Variants in CTDP1 observed in about 807,000 individuals in gnomAD.
CTDP1 encodes the protein CTD phosphatase 1.
Under a neutral mutation model 91.8 loss-of-function variants are expected in CTDP1, and 47 were observed. That is an observed-to-expected ratio of 0.51 (90% CI 0.41 to 0.65). The LOEUF is 0.65. Among genes scored for constraint, CTDP1 ranks in the 30% least tolerant of loss-of-function variants. The probability of loss-of-function intolerance (pLI) is 0.00; values close to 1 mark genes in which losing one functional copy is unlikely to be tolerated. For synonymous variants in CTDP1, 656 were observed against 598.5 expected (o/e 1.10, Z -1.40); for missense variants, 1,272 against 1,373.7 (o/e 0.93, Z 1.17).
chr18:79,679,537 C>T (rs1827846247), upstream of CTDP1: 1 of 459,812 alleles, frequency 2.2e-6, no homozygotes, highest in Non-Finnish European at 4.4e-6. Flanking sequence ...CATGCTCTGT[C>T]CGCGGTGCAC....
chr18:79,684,966 C>CCG (rs1568170965), intron 1 of CTDP1, among the ~76,000 whole-genome samples: 1 of 144,702 alleles, frequency 6.9e-6, no homozygotes, highest in Non-Finnish European at 1.6e-5. Context: ...CCCGGTTTCT[C>CCG]TGCGGTGCTC....
At chr18:79,695,367 G>T in intron 2 of CTDP1, 59 bp downstream of exon 2, 1 of 1,499,160 alleles carries the variant, frequency 6.7e-7, no homozygotes, top group Non-Finnish European at 9.3e-7. Context: ...TGGCCTCCGG[G>T]GAGTCCGAGA....
In CTDP1 at chr18:79,710,423, A is replaced by G; in HGVS notation, c.850A>G (p.Thr284Ala). 1 of 1,613,742 alleles carries G rather than the reference A, an allele frequency of 6.2e-7. No homozygotes were observed. Among genetic ancestry groups the G allele is most frequent in the Non-Finnish European group, 8.5e-7 (1 of 1,179,668 alleles). ...RDECIDPFSKTGNLRNLFPCG... is the reference protein window; with the variant it reads ...RDECIDPFSKAGNLRNLFPCG... Reference sequence around the variant, plus strand: ...TGAATGTATTGACCCATTTTCTAAAACGGGAAACCTTAGGTATGTACCCAG... The same window carrying G: ...TGAATGTATTGACCCATTTTCTAAAGCGGGAAACCTTAGGTATGTACCCAG... Residue 284 changes from threonine to alanine, a missense_variant, in exon 6 of 13, where the codon ACG becomes GCG. This residue lies in a region of CTDP1 where 177 missense variants were observed against 283.0 expected (regional missense o/e 0.63). Transcript: ENST00000613122.
chr18:79,716,770 C>T (rs1055284170), intron 8 of CTDP1, among the ~76,000 whole-genome samples: 1 of 152,270 alleles, frequency 6.6e-6, no homozygotes, highest in African/African-American at 2.4e-5. Context: ...CTGAATTGTG[C>T]TCACGTTTCC....
At chr18:79,692,690 C>A (rs571571241) in intron 1 of CTDP1, among the ~76,000 whole-genome samples, 3 of 152,000 alleles carry the variant, frequency 2.0e-5, no homozygotes, top group African/African-American at 7.2e-5. Flanking sequence ...AGCGAGGAGC[C>A]CGCCGTGAGC....
At chr18:79,747,984 T>C (rs2086914737) in intron 12 of CTDP1, among the ~76,000 whole-genome samples, 1 of 152,178 alleles carries the variant, frequency 6.6e-6, no homozygotes, top group Non-Finnish European at 1.5e-5. Flanking sequence ...TATACATATA[T>C]ATTATTCTGT....
chr18:79,677,656 A>G (rs1792986612), upstream of CTDP1: 1 of 152,296 alleles, frequency 6.6e-6, no homozygotes, highest in East Asian at 1.9e-4. Context: ...TGGAACCAGG[A>G]GTTCATGGGA....
chr18:79,701,977 T>C (rs1024572204), intron 4 of CTDP1, among the ~76,000 whole-genome samples: 1 of 152,224 alleles, frequency 6.6e-6, no homozygotes, highest in Non-Finnish European at 1.5e-5. Flanking sequence ...TTTCTTGAAA[T>C]GGAATCTGCT....
At chr18:79,710,269 A>T in intron 5 of CTDP1, 77 bp from the exon 6 acceptor site, 1 of 1,162,636 alleles carries the variant, frequency 8.6e-7, no homozygotes, top group Non-Finnish European at 1.3e-6. Flanking sequence ...TAAAAAAAAC[A>T]TTCAAGGCTT....
At chr18:79,756,118 GCCGTGCT>G (rs2087090324), downstream of CTDP1, 1 of 152,552 alleles carries the variant, frequency 6.6e-6, no homozygotes, top group African/African-American at 2.4e-5. Context: ...TCTCTGCACA[GCCGTGCT>G]GCACACCTTC....
chr18:79,710,680 C>A, intron 6 of CTDP1, among the ~76,000 whole-genome samples: 1 of 146,272 alleles, frequency 6.8e-6, no homozygotes, highest in Non-Finnish European at 1.5e-5. Context: ...ACCACCTCGC[C>A]CGGCAATTTT....
chr18:79,690,508 T>G (rs2122433950), intron 1 of CTDP1, among the ~76,000 whole-genome samples: 1 of 152,344 alleles, frequency 6.6e-6, no homozygotes, highest in South Asian at 2.1e-4. Flanking sequence ...CACCCCTTTT[T>G]AAGGTGTGGA....
chr18:79,723,316 A>C (rs1463504222), intron 10 of CTDP1, among the ~76,000 whole-genome samples: 1 of 152,008 alleles, frequency 6.6e-6, no homozygotes, highest in Non-Finnish European at 1.5e-5. Context: ...TGTTGTGTGC[A>C]TTGGTTGTGC....
rs1468065862 is a variant in CTDP1 at position 79,679,953 on chromosome 18, G to T, written c.6G>T (p.Glu2Asp). Reference sequence around the variant, plus strand: ...CCGCCCGCCCTCTGTCCGCGATGGAGGTGCCGGCCGCGGGTCGCGTTCCTG... The same window carrying T: ...CCGCCCGCCCTCTGTCCGCGATGGATGTGCCGGCCGCGGGTCGCGTTCCTG... Reference protein sequence around the residue: MEVPAAGRVPAE... With the variant: MDVPAAGRVPAE... The change falls in exon 1 of 13, where the codon GAG becomes GAT. Residue 2 changes from glutamate to aspartate, a missense_variant. By Grantham distance (45) the Glu-to-Asp change is conservative. Transcript: ENST00000613122. 1.4e-6 allele frequency: 2 copies of T among 1,382,540 alleles called. No individual in the cohort carries two copies. Among genetic ancestry groups the T allele is most frequent in the Admixed American group, 2.8e-5 (1 of 35,834 alleles). 85.6% of individuals were successfully genotyped at this position (1,382,540 alleles called of 1,614,324 possible).
chr18:79,704,991 A>C (rs912700836), intron 5 of CTDP1, 74 bp downstream of exon 5: 2 of 1,595,882 alleles, frequency 1.3e-6, no homozygotes, highest in African/African-American at 2.7e-5. Context: ...GGTTTCTTAA[A>C]GATGAAGAAA....
chr18:79,720,608 G>A (rs1057491570), intron 10 of CTDP1, among the ~76,000 whole-genome samples: 5 of 152,214 alleles, frequency 3.3e-5, no homozygotes, highest in East Asian at 1.9e-4. Flanking sequence ...TTCTGGTGAC[G>A]ATGTCATCTC....
Position 79,705,044 on chromosome 18 carries a change from G to C in CTDP1, c.772+127G>C. On this transcript the variant is annotated intron_variant, in intron 5 of 12. Transcript: ENST00000613122. The stretch of plus-strand genomic sequence containing the variant: ...CAACTCAGTTGTAGTCTTAGGGTTG[G>C]CCGTTGTGCAGGGGGTTGTGAGAGG... 9 of 1,448,232 alleles carry C rather than the reference G, an allele frequency of 6.2e-6. No individual in the cohort carries two copies. The South Asian group carries it at 1.1e-4, about 17-fold the overall frequency. 89.7% of individuals were successfully genotyped at this position (1,448,232 alleles called of 1,614,324 possible). A position where few individuals can be genotyped will look rare whatever the true frequency, so the allele number is the denominator to read the frequency against.
chr18:79,743,224 G>A (rs2086814165), intron 12 of CTDP1, among the ~76,000 whole-genome samples: 1 of 152,026 alleles, frequency 6.6e-6, no homozygotes, highest in Non-Finnish European at 1.5e-5. Flanking sequence ...GCATGGATGT[G>A]GTATCGTACA....
intron 4 of CTDP1, among the ~76,000 whole-genome samples, chr18:79,699,269 G>C (rs1373513257): frequency 2.6e-5 from 4 of 151,934 alleles, no homozygotes; most frequent in African/African-American, 7.3e-5. Flanking sequence ...TTTTTTGTTT[G>C]TTTGTTTTTG....
Sources: gnomAD v4.1 joint callset for allele counts (sites outside exome capture counted in the v4.1 genomes callset) on GRCh38, gnomAD v4.1.1 for gene constraint, gnomAD v4.1.1 regional missense constraint, MANE v1.5 for transcripts, NCBI Gene and HGNC (gene_info 2026-07-23, HGNC 2026-07-21) for gene names.